Variants in TEX101 observed in about 807,000 individuals in gnomAD.
TEX101 encodes testis-expressed protein 101.
TEX101 carries 10 observed loss-of-function variants against 18.1 expected under a neutral mutation model. The ratio of observed to expected loss-of-function variants is 0.55; its 90% CI spans 0.34 to 0.94. The LOEUF is 0.94. TEX101 is among the 40% of genes least tolerant of loss of function. The pLI is 0.02. For missense variants in TEX101, 259 were observed against 298.9 expected, an observed-to-expected ratio of 0.87 and a Z score of 0.98; for synonymous variants, 94 against 114.8, an observed-to-expected ratio of 0.82 and a Z score of 1.16.
At chr19:43,403,399 G>C (rs1599896891) in intron 2 of TEX101, among the ~76,000 whole-genome samples, 1 of 152,172 alleles carries the variant, frequency 6.6e-6, no homozygotes, top group South Asian at 2.1e-4. Context: ...GGTGGGAATT[G>C]AACAATGAGA....
chr19:43,397,078 C>T (rs897449454), upstream of TEX101, among the ~76,000 whole-genome samples: 2 of 152,076 alleles, frequency 1.3e-5, no homozygotes, highest in Admixed American at 6.5e-5. Flanking sequence ...CCTCGTGATC[C>T]ACCCATCTCA....
At chr19:43,392,348 TA>T in the TEX101 span, among the ~76,000 whole-genome samples, 1 of 151,860 alleles carries the variant, frequency 6.6e-6, no homozygotes, top group South Asian at 2.1e-4. Flanking sequence ...GATTCTTGAT[TA>T]AAAATCAATG....
At chr19:43,405,472 G>A (rs558874887) in intron 2 of TEX101, among the ~76,000 whole-genome samples, 2 of 150,116 alleles carry the variant, frequency 1.3e-5, no homozygotes, top group Non-Finnish European at 3.0e-5. Flanking sequence ...CAGGTACTTG[G>A]GAGCCTGAGG....
At chr19:43,392,777 G>T in the TEX101 span, among the ~76,000 whole-genome samples, 1 of 152,142 alleles carries the variant, frequency 6.6e-6, no homozygotes, top group East Asian at 1.9e-4. Context: ...AGAAAGAAGA[G>T]GCTGGAGTGG....
At position 43,417,874 on chromosome 19, in the gene TEX101, C is replaced by T; in HGVS notation, c.392-4C>T. On this transcript the variant is annotated splice_polypyrimidine_tract_variant and splice_region_variant and intron_variant, in intron 4 of 5. Coordinates refer to ENST00000598265, the MANE Select transcript of TEX101 (RefSeq NM_001130011.3). ...CCTTAACTGTCTCTCTCATTTCCCTCCAGCTTCCACTGTGTCAACAACCCT... is the reference window on the plus strand; with the variant it reads ...CCTTAACTGTCTCTCTCATTTCCCTTCAGCTTCCACTGTGTCAACAACCCT... The T allele has an allele frequency of 1.9e-6, 3 of 1,614,032 alleles. No homozygotes were observed. Among genetic ancestry groups the T allele is most frequent in the Non-Finnish European group, 2.5e-6 (3 of 1,179,936 alleles).
At chr19:43,411,788 T>A (rs930985264), upstream of TEX101, among the ~76,000 whole-genome samples, 19 of 152,052 alleles carry the variant, frequency 1.2e-4, no homozygotes, top group Non-Finnish European at 2.2e-4. Flanking sequence ...GTAGCTGGGA[T>A]TACAGGCGCG....
chr19:43,390,611 G>A, the TEX101 span, among the ~76,000 whole-genome samples: 1 of 151,224 alleles, frequency 6.6e-6, no homozygotes, highest in African/African-American at 2.4e-5. Context: ...GAGACTACAG[G>A]TGCATGCCAC....
chr19:43,397,883 T>C (rs1384414923), upstream of TEX101, among the ~76,000 whole-genome samples: 1 of 92,586 alleles, frequency 1.1e-5, no homozygotes, highest in African/African-American at 4.6e-5. Context: ...TAAAAATATA[T>C]ATTATATATA....
intron 1 of TEX101, among the ~76,000 whole-genome samples, chr19:43,401,880 T>C (rs536937043): frequency 1.4e-4 from 22 of 152,044 alleles, no homozygotes; most frequent in Non-Finnish European, 2.8e-4. Context: ...AAGCCCAGAT[T>C]CTACTCATAA....
In TEX101 at chr19:43,414,901, AAGCCCGG is replaced by A; in HGVS notation, c.-176_-170del. Reference sequence around the variant, plus strand: ...CGGCCTTGCGTCGTAAGAGAATGCCAAGCCCGGGGAGAAGGCGTTCCGGGCCTCAACT... The same window carrying A: ...CGGCCTTGCGTCGTAAGAGAATGCCAGGAGAAGGCGTTCCGGGCCTCAACT... On this transcript the variant is annotated 5_prime_UTR_variant, in exon 1 of 6. An upstream open reading frame in the 5' UTR gains an earlier in-frame stop. Transcript: ENST00000598265. The A allele has an allele frequency of 3.0e-6, 3 of 985,488 alleles. No homozygotes were observed. Among genetic ancestry groups the A allele is most frequent in the Non-Finnish European group, 3.6e-6 (3 of 829,962 alleles). 61.0% of individuals were successfully genotyped at this position (985,488 alleles called of 1,614,324 possible). A position where few individuals can be genotyped will look rare whatever the true frequency, so the allele number is the denominator to read the frequency against.
At chr19:43,402,803 C>G (rs1361514263) in exon 2 of TEX101, 1 of 152,116 alleles carries the variant, frequency 6.6e-6, no homozygotes, top group Non-Finnish European at 1.5e-5. Flanking sequence ...AGGATGGTCT[C>G]GATCTCCTGA....
intron 2 of TEX101, among the ~76,000 whole-genome samples, chr19:43,404,645 A>G (rs533241067): frequency 2.0e-5 from 3 of 152,014 alleles, no homozygotes; most frequent in Admixed American, 1.3e-4. Flanking sequence ...TTTTCTATCA[A>G]TCTAGATACA....
upstream of TEX101, among the ~76,000 whole-genome samples, chr19:43,410,077 G>A (rs1970405203): frequency 6.6e-6 from 1 of 152,118 alleles, no homozygotes; most frequent in South Asian, 2.1e-4. Context: ...TAACCTCAAG[G>A]CTTACAACTC....
chr19:43,396,226 G>A, the TEX101 span, among the ~76,000 whole-genome samples: 3 of 152,202 alleles, frequency 2.0e-5, no homozygotes, highest in Non-Finnish European at 4.4e-5. Context: ...GTATTTAGGG[G>A]TCTGAGTGAG....
chr19:43,408,809 T>C (rs942192577), intron 3 of TEX101, among the ~76,000 whole-genome samples: 2 of 152,144 alleles, frequency 1.3e-5, no homozygotes, highest in Non-Finnish European at 2.9e-5. Flanking sequence ...ATCCCTGGAC[T>C]ATGGGGCATC....
the TEX101 span, among the ~76,000 whole-genome samples, chr19:43,391,521 C>T: frequency 7.1e-5 from 10 of 140,284 alleles, no homozygotes; most frequent in Admixed American, 1.6e-4. Flanking sequence ...AGCATCTTTT[C>T]ATGTGCTTAT....
At chr19:43,418,086 T>A in intron 5 of TEX101, 80 bp downstream of exon 5, 1 of 1,611,626 alleles carries the variant, frequency 6.2e-7, no homozygotes, top group Non-Finnish European at 8.5e-7. Context: ...GACACTGAGC[T>A]CTCCAGGGAT....
the TEX101 span, among the ~76,000 whole-genome samples, chr19:43,395,157 G>A: frequency 6.6e-6 from 1 of 152,094 alleles, no homozygotes; most frequent in African/African-American, 2.4e-5. Flanking sequence ...GGAGATGCAG[G>A]GTCTTTTAGT....
At chr19:43,415,060 A>C (rs1328563648) in intron 1 of TEX101, 22 bp downstream of exon 1, 6 of 985,436 alleles carry the variant, frequency 6.1e-6, no homozygotes, top group Non-Finnish European at 7.2e-6. Context: ...CTGGGGACCC[A>C]GATCCTGGCT....
Sources: allele counts gnomAD v4.1 joint callset (sites outside exome capture counted in the v4.1 genomes callset), GRCh38; gene constraint gnomAD v4.1.1; transcripts MANE v1.5; gene names NCBI Gene and HGNC (gene_info 2026-07-23, HGNC 2026-07-21).